ANKS1B: variants seen among roughly 807,000 people sequenced by gnomAD.
ANKS1B encodes the protein ankyrin repeat and sterile alpha motif domain-containing protein 1B.
Under a neutral mutation model 148.3 loss-of-function variants are expected in ANKS1B, and 36 were observed. The ratio of observed to expected loss-of-function variants is 0.24; its 90% CI spans 0.19 to 0.32. The LOEUF (loss-of-function observed/expected upper bound fraction) is 0.32. ANKS1B is among the 10% of genes least tolerant of loss of function. ANKS1B has a pLI of 1.00. For missense variants in ANKS1B, 1,157 were observed against 1,542.6 expected (o/e 0.75, Z 4.19); for synonymous variants, 542 against 560.8 (o/e 0.97, Z 0.47).
intron 17 of ANKS1B, among the ~76,000 whole-genome samples, chr12:98,871,218 T>C (rs2099667130): frequency 1.3e-5 from 2 of 152,232 alleles, no homozygotes; most frequent in Admixed American, 6.5e-5. Context: ...AATCCCATTA[T>C]GGCAAGACAT....
chr12:99,966,933 C>T (rs1223404736), intron 1 of ANKS1B, among the ~76,000 whole-genome samples: 1 of 151,908 alleles, frequency 6.6e-6, no homozygotes, highest in African/African-American at 2.4e-5. Flanking sequence ...CTCCTAAAAG[C>T]AAAAGGAAAA....
At chr12:99,949,034 A>T (rs577474594) in intron 1 of ANKS1B, among the ~76,000 whole-genome samples, 1 of 152,224 alleles carries the variant, frequency 6.6e-6, no homozygotes, top group Non-Finnish European at 1.5e-5. Context: ...AAGATAAGAA[A>T]ACAAATTAAA....
intron 19 of ANKS1B, among the ~76,000 whole-genome samples, chr12:98,816,485 G>A (rs946566171): frequency 6.6e-6 from 1 of 152,096 alleles, no homozygotes; most frequent in Non-Finnish European, 1.5e-5. Flanking sequence ...TAGTAGAGAC[G>A]GGGTTTCGCC....
rs1305673920 is a variant in ANKS1B at position 99,693,084 on chromosome 12, G to A, written c.1129-37874C>T. 4.6e-5 allele frequency among the ~76,000 whole-genome samples: 7 copies of A among 152,264 alleles called. No individual in the cohort carries two copies. In the South Asian group the frequency reaches 1.0e-3, roughly 23 times the overall value. On this transcript the variant is annotated intron_variant, in intron 8 of 26. Coordinates refer to ENST00000683438, the MANE Select transcript of ANKS1B (RefSeq NM_001352186.2). The stretch of plus-strand genomic sequence containing the variant: ...ATATTTGAGGTACAGCAGAGGAAGA[G>A]GAGTTTGCAAAGGAGACTTAAAAAG...
intron 14 of ANKS1B, among the ~76,000 whole-genome samples, chr12:99,202,777 C>G (rs550554138): frequency 1.3e-5 from 2 of 152,276 alleles, no homozygotes; most frequent in East Asian, 3.9e-4. Flanking sequence ...TAGGCTCAGC[C>G]AAGTGCTTCT....
intron 24 of ANKS1B, 43 bp from the exon 25 acceptor site, chr12:98,773,222 C>A (rs1387761394): frequency 6.4e-7 from 1 of 1,563,136 alleles, no homozygotes; most frequent in Non-Finnish European, 8.7e-7. Flanking sequence ...CCTCTGCGAA[C>A]CAGCATATAT....
chr12:99,383,071 C>T (rs2093709466), intron 12 of ANKS1B, among the ~76,000 whole-genome samples: 1 of 152,142 alleles, frequency 6.6e-6, no homozygotes, highest in Non-Finnish European at 1.5e-5. Flanking sequence ...ATCTAAGCTG[C>T]TACTGACTTA....
rs981383308 is a variant in ANKS1B, at chr12:99,457,863, T to C, written c.1439-14054A>G. Among the ~76,000 whole-genome samples the C allele has an allele frequency of 2.0e-5, 3 of 151,952 alleles. No individual in the cohort carries two copies. In the East Asian group the frequency reaches 5.8e-4, roughly 29 times the overall value. On this transcript the variant is annotated intron_variant, in intron 10 of 26. Coordinates refer to ENST00000683438, the MANE Select transcript of ANKS1B (RefSeq NM_001352186.2). ...CAATATTCCACAGACAGCAGTCAGG[T>C]CTTCAAGACAGAAAGTCAACAAAGA...
chr12:98,880,357 T>C lies in ANKS1B; in HGVS notation c.2779-48221A>G, dbSNP rs546787211. Among the ~76,000 whole-genome samples the C allele has an allele frequency of 4.6e-5, 7 of 152,252 alleles. No individual in the cohort carries two copies. The East Asian group carries it at 1.4e-3, about 29-fold the overall frequency. ...CAAGTGACTAAAATAAGAGTGCTGA[T>C]AAAAAGGAAGGTAGCACTGATATGG... On this transcript the variant is annotated intron_variant, in intron 17 of 26. Coordinates refer to ENST00000683438, the MANE Select transcript of ANKS1B (RefSeq NM_001352186.2).
intron 17 of ANKS1B, among the ~76,000 whole-genome samples, chr12:98,999,835 C>T (rs374611778): frequency 2.0e-5 from 3 of 152,140 alleles, no homozygotes; most frequent in African/African-American, 4.8e-5. Flanking sequence ...AGGGGAAACA[C>T]GCAGTGGCTA....
At chr12:98,750,918 C>T (rs2098071489) in intron 26 of ANKS1B, among the ~76,000 whole-genome samples, 1 of 152,230 alleles carries the variant, frequency 6.6e-6, no homozygotes, top group African/African-American at 2.4e-5. Flanking sequence ...CATCCAGCTT[C>T]CTCTAGCTGG....
chr12:99,208,592 C>T (rs998319177), intron 14 of ANKS1B, among the ~76,000 whole-genome samples: 45 of 151,960 alleles, frequency 3.0e-4, no homozygotes, highest in Non-Finnish European at 1.6e-4. Flanking sequence ...TTGTATGCTA[C>T]GGGACATTGA....
At chr12:99,557,158 G>A (rs758357712) in intron 9 of ANKS1B, among the ~76,000 whole-genome samples, 3 of 152,094 alleles carry the variant, frequency 2.0e-5, no homozygotes, top group Non-Finnish European at 4.4e-5. Flanking sequence ...GGGGATGGTT[G>A]TCTTACATAG....
intron 2 of ANKS1B, among the ~76,000 whole-genome samples, chr12:99,816,523 C>T (rs1181586278): frequency 6.6e-6 from 1 of 151,302 alleles, no homozygotes; most frequent in Non-Finnish European, 1.5e-5. Flanking sequence ...TTTAAATGTG[C>T]TTATTTTAAA....
At chr12:99,653,678 C>CTTTTT (rs199988255) in intron 9 of ANKS1B, among the ~76,000 whole-genome samples, 18 of 113,580 alleles carry the variant, frequency 1.6e-4, no homozygotes, top group African/African-American at 3.5e-4. Flanking sequence ...TTCTTTCTTT[C>CTTTTT]TTTTTTTTTT....
At chr12:99,729,085 G>A (rs572740155) in intron 8 of ANKS1B, among the ~76,000 whole-genome samples, 74 of 152,296 alleles carry the variant, frequency 4.9e-4, no homozygotes, top group African/African-American at 1.7e-3. Context: ...AGATATGCCT[G>A]TGTAAAGCAA....
At chr12:98,841,544 A>T (rs1341725365) in intron 17 of ANKS1B, among the ~76,000 whole-genome samples, 3 of 152,176 alleles carry the variant, frequency 2.0e-5, no homozygotes, top group Non-Finnish European at 4.4e-5. Context: ...ATGTGGGAGG[A>T]GGTAAAAAAT....
chr12:99,472,819 T>C (rs1003404729), intron 10 of ANKS1B, among the ~76,000 whole-genome samples: 2 of 152,062 alleles, frequency 1.3e-5, no homozygotes, highest in Admixed American at 1.3e-4. Context: ...AAGATATATA[T>C]TTGCTTTTAA....
At chr12:99,152,279 C>T (rs2075138202) in intron 15 of ANKS1B, among the ~76,000 whole-genome samples, 1 of 152,002 alleles carries the variant, frequency 6.6e-6, no homozygotes, top group African/African-American at 2.4e-5. Context: ...TTAATTAACT[C>T]CTCTAAATGG....
Sources: gnomAD v4.1 joint callset for allele counts (sites outside exome capture counted in the v4.1 genomes callset) on GRCh38, gnomAD v4.1.1 for gene constraint, MANE v1.5 for transcripts, NCBI Gene and HGNC (gene_info 2026-07-23, HGNC 2026-07-21) for gene names.